The following DTWD2 variants were observed in gnomAD, a reference collection of about 807,000 sequenced individuals.
DTWD2 encodes DTW motif tRNA-uridine aminocarboxypropyltransferase 2, also known as tRNA-uridine aminocarboxypropyltransferase 2.
Under a neutral mutation model 31.8 loss-of-function variants are expected in DTWD2, and 39 were observed. That is an observed-to-expected ratio of 1.22 (90% CI 0.95 to 1.60). DTWD2 has a LOEUF of 1.60. Ranked by LOEUF, DTWD2 falls within the 40% of genes most tolerant of loss-of-function variation. The probability of loss-of-function intolerance (pLI) is 0.00; values close to 1 mark genes in which losing one functional copy is unlikely to be tolerated. For missense variants in DTWD2, 515 were observed against 381.5 expected (o/e 1.35, Z -2.92); for synonymous variants, 180 against 142.8 (o/e 1.26, Z -1.86).
intron 4 of DTWD2, among the ~76,000 whole-genome samples, chr5:118,862,352 T>C (rs1035582569): frequency 3.9e-5 from 6 of 152,128 alleles, no homozygotes; most frequent in South Asian, 2.1e-4. Flanking sequence ...GTCTGCAGCA[T>C]AGTGAGTAAA....
At chr5:118,973,986 A>G (rs1172577031) in intron 1 of DTWD2, 119 of 1,587,552 alleles carry the variant, frequency 7.5e-5, no homozygotes, top group Non-Finnish European at 1.0e-4. Flanking sequence ...GAGGAAGAGG[A>G]GGAGGAAGAA....
chr5:118,949,842 A>G (rs1016257879), intron 1 of DTWD2, among the ~76,000 whole-genome samples: 1 of 152,182 alleles, frequency 6.6e-6, no homozygotes, highest in East Asian at 1.9e-4. Flanking sequence ...GAAAGCAGAT[A>G]AGTTAGTTAA....
intron 4 of DTWD2, among the ~76,000 whole-genome samples, chr5:118,906,343 G>C (rs1753331775): frequency 6.6e-6 from 1 of 152,084 alleles, no homozygotes; most frequent in Non-Finnish European, 1.5e-5. Flanking sequence ...TTCTACACCT[G>C]GGTAGTTATC....
chr5:118,974,820 AT>A (rs879724776), intron 1 of DTWD2: 17 of 382,240 alleles, frequency 4.4e-5, no homozygotes, highest in Non-Finnish European at 7.9e-5. Flanking sequence ...AAAAAAAAAA[AT>A]TCTTTTATTT....
rs372475951 is a variant in DTWD2 at position 118,840,897 on chromosome 5, G to A, written c.*20C>T. 6.2e-7 allele frequency: 1 copy of A among 1,608,020 alleles called. No individual in the cohort carries two copies. Among genetic ancestry groups the A allele is most frequent in the Non-Finnish European group, 8.5e-7 (1 of 1,176,722 alleles). On this transcript the variant is annotated 3_prime_UTR_variant, in exon 6 of 6. Transcript: ENST00000510708. ...TTGTTAGATGAAGACAGTTAAGCTAGCACCAAAAGAATAACTGTACTAAAT... is the reference window on the plus strand; with the variant it reads ...TTGTTAGATGAAGACAGTTAAGCTAACACCAAAAGAATAACTGTACTAAAT...
intron 1 of DTWD2, among the ~76,000 whole-genome samples, chr5:118,945,814 T>C (rs1205603150): frequency 1.5e-5 from 2 of 137,554 alleles, no homozygotes; most frequent in Non-Finnish European, 3.0e-5. Flanking sequence ...AAGAAAGAAA[T>C]TCATTAAGTG....
rs113241409 is a variant in DTWD2, at chr5:118,874,744, A to G, written c.598-26526T>C. Among the ~76,000 whole-genome samples, 768 of 152,312 alleles carry G rather than the reference A, an allele frequency of 5.0e-3. 8 individuals carry two copies. Among genetic ancestry groups the G allele is most frequent in the African/African-American group, 0.018 (748 of 41,576 alleles). On this transcript the variant is annotated intron_variant, in intron 4 of 5. Transcript: ENST00000510708. Reference sequence around the variant, plus strand: ...GAACAAATCTATGACTGATTGGGGTACCTGAAAGAAACGGGGAGAAAGGAA... The same window carrying G: ...GAACAAATCTATGACTGATTGGGGTGCCTGAAAGAAACGGGGAGAAAGGAA...
chr5:118,973,797 T>C (rs1755057479), intron 1 of DTWD2: 6 of 1,611,852 alleles, frequency 3.7e-6, no homozygotes, highest in Non-Finnish European at 2.5e-6. Flanking sequence ...TGCCCCACCA[T>C]GTCAGACGCA....
chr5:118,949,438 T>C (rs997609201), intron 1 of DTWD2, among the ~76,000 whole-genome samples: 1 of 152,066 alleles, frequency 6.6e-6, no homozygotes, highest in Admixed American at 6.5e-5. Flanking sequence ...AGTGTACGGG[T>C]TGGGCACTAC....
chr5:118,951,309 AG>A (rs1754460111), intron 1 of DTWD2, among the ~76,000 whole-genome samples: 1 of 152,140 alleles, frequency 6.6e-6, no homozygotes. Context: ...CAGCCTGGGG[AG>A]GAAGAGAGAG....
chr5:118,915,636 A>T lies in DTWD2; in HGVS notation c.597+12901T>A, dbSNP rs561100682. Among the ~76,000 whole-genome samples the T allele has an allele frequency of 1.4e-4, 22 of 152,278 alleles. No homozygotes were observed. The Middle Eastern group carries it at 0.01, about 71-fold the overall frequency. On this transcript the variant is annotated intron_variant, in intron 4 of 5. Transcript: ENST00000510708. ...TGATCAGCCTGCCTCGGCCTCTCAA[A>T]GTGCTGGGATTACAGGCGTGAGCCA...
chr5:118,963,193 GA>G (rs551245739), intron 1 of DTWD2, among the ~76,000 whole-genome samples: 5 of 152,158 alleles, frequency 3.3e-5, no homozygotes, highest in Non-Finnish European at 7.4e-5. Flanking sequence ...ATATAGTAGA[GA>G]AAAAAGACAA....
chr5:118,975,590 T>C (rs1755135699), intron 1 of DTWD2, among the ~76,000 whole-genome samples: 1 of 152,156 alleles, frequency 6.6e-6, no homozygotes, highest in East Asian at 1.9e-4. Flanking sequence ...CTGTGATCCT[T>C]TGGAGGACAA....
At chr5:118,915,549 T>G (rs938428517) in intron 4 of DTWD2, among the ~76,000 whole-genome samples, 3 of 152,050 alleles carry the variant, frequency 2.0e-5, no homozygotes, top group Non-Finnish European at 4.4e-5. Context: ...TAATTTTTTG[T>G]ATTTTTAGTA....
At chr5:118,875,813 A>C (rs1752607888) in intron 4 of DTWD2, among the ~76,000 whole-genome samples, 1 of 152,162 alleles carries the variant, frequency 6.6e-6, no homozygotes, top group Admixed American at 6.5e-5. Context: ...AAGACAAAAA[A>C]CTAACAAAGA....
chr5:118,962,481 G>A (rs1397321003), intron 1 of DTWD2, among the ~76,000 whole-genome samples: 2 of 151,894 alleles, frequency 1.3e-5, no homozygotes, highest in South Asian at 2.1e-4. Flanking sequence ...GTGACCTGCC[G>A]CATTAACACA....
At chr5:118,974,410 T>C (rs1283319375) in intron 1 of DTWD2, among the ~76,000 whole-genome samples, 1 of 152,242 alleles carries the variant, frequency 6.6e-6, no homozygotes, top group Non-Finnish European at 1.5e-5. Flanking sequence ...TTACATTTTA[T>C]ATTTTTGTAC....
chr5:118,959,286 CA>C (rs1754656904), intron 1 of DTWD2, among the ~76,000 whole-genome samples: 1 of 152,106 alleles, frequency 6.6e-6, no homozygotes, highest in Non-Finnish European at 1.5e-5. Flanking sequence ...AAATCAGTAG[CA>C]TTTCTATACA....
At chr5:118,960,346 C>A (rs1041778919) in intron 1 of DTWD2, among the ~76,000 whole-genome samples, 11 of 152,000 alleles carry the variant, frequency 7.2e-5, no homozygotes, top group Admixed American at 3.9e-4. Flanking sequence ...CACTAATCAC[C>A]AGAGAAATGC....
Sources: gnomAD v4.1 joint callset for allele counts (sites outside exome capture counted in the v4.1 genomes callset) on GRCh38, gnomAD v4.1.1 for gene constraint, MANE v1.5 for transcripts, NCBI Gene and HGNC (gene_info 2026-07-23, HGNC 2026-07-21) for gene names.